The following ADAMTSL1 variants were observed in gnomAD, a reference collection of about 807,000 sequenced individuals.
ADAMTSL1 encodes ADAMTS-like protein 1.
Under a neutral mutation model 201.8 loss-of-function variants are expected in ADAMTSL1, and 126 were observed. The ratio of observed to expected loss-of-function variants is 0.62; its 90% CI spans 0.54 to 0.72. ADAMTSL1 has a LOEUF of 0.72. Ranked by LOEUF, ADAMTSL1 falls within the 30% of genes least tolerant of loss-of-function variation. The pLI is 0.00. For synonymous variants in ADAMTSL1, 1,121 were observed against 903.4 expected, an observed-to-expected ratio of 1.24 and a Z score of -4.32; for missense variants, 2,679 against 2,277.8, an observed-to-expected ratio of 1.18 and a Z score of -3.59.
At chr9:18,675,165 C>T (rs540046270) in intron 9 of ADAMTSL1, among the ~76,000 whole-genome samples, 1 of 152,160 alleles carries the variant, frequency 6.6e-6, no homozygotes, top group East Asian at 1.9e-4. Flanking sequence ...TAGCAGTTAA[C>T]ACTGTACAAT....
intron 2 of ADAMTSL1, among the ~76,000 whole-genome samples, chr9:18,234,789 T>C (rs1239887138): frequency 6.6e-6 from 1 of 152,232 alleles, no homozygotes; most frequent in African/African-American, 2.4e-5. Context: ...ACCAGATTTG[T>C]CCTCTGTCTC....
At chr9:18,646,005 T>A (rs942101810) in intron 7 of ADAMTSL1, among the ~76,000 whole-genome samples, 1 of 152,188 alleles carries the variant, frequency 6.6e-6, no homozygotes, top group Non-Finnish European at 1.5e-5. Context: ...ATGATACTGA[T>A]TCTTCCTATC....
intron 3 of ADAMTSL1, among the ~76,000 whole-genome samples, chr9:18,547,378 G>T (rs1478899403): frequency 6.6e-6 from 1 of 151,920 alleles, no homozygotes; most frequent in East Asian, 1.9e-4. Flanking sequence ...CAGTGGCATA[G>T]CCAGGTTCAA....
At chr9:18,645,911 T>C (rs1277785968) in intron 7 of ADAMTSL1, among the ~76,000 whole-genome samples, 1 of 146,734 alleles carries the variant, frequency 6.8e-6, no homozygotes, top group East Asian at 2.0e-4. Flanking sequence ...AGTAGTTTTT[T>C]CCAATTCTGT....
At chr9:18,305,070 G>A (rs1280480921) in intron 2 of ADAMTSL1, among the ~76,000 whole-genome samples, 9 of 152,100 alleles carry the variant, frequency 5.9e-5, no homozygotes. Context: ...GCTGAAGCAG[G>A]GTGGGGCATT....
intron 14 of ADAMTSL1, chr9:18,718,382 C>G (rs545786): frequency 1.3e-5 from 9 of 715,632 alleles, no homozygotes; most frequent in South Asian, 1.1e-4. Context: ...GCATACACTG[C>G]TGTGCATCTA....
At chr9:17,951,962 G>A (rs116093185) in intron 1 of ADAMTSL1, among the ~76,000 whole-genome samples, 8 of 151,702 alleles carry the variant, frequency 5.3e-5, no homozygotes, top group Non-Finnish European at 4.4e-5. Context: ...CATCTTGCCC[G>A]GCTAATTTTT....
chr9:18,713,559 T>C (rs1832736744), intron 14 of ADAMTSL1, among the ~76,000 whole-genome samples: 1 of 151,606 alleles, frequency 6.6e-6, no homozygotes, highest in Non-Finnish European at 1.5e-5. Flanking sequence ...CTATCCTAAA[T>C]ATATATGCAC....
intron 2 of ADAMTSL1, among the ~76,000 whole-genome samples, chr9:18,439,950 T>C (rs77640819): frequency 0.023 from 3,479 of 152,298 alleles, 108 homozygotes; most frequent in African/African-American, 0.068. Flanking sequence ...TATAGTACAC[T>C]ACTTCACACC....
At chr9:18,195,281 T>C (rs757842481) in intron 2 of ADAMTSL1, among the ~76,000 whole-genome samples, 50 of 152,146 alleles carry the variant, frequency 3.3e-4, no homozygotes, top group Non-Finnish European at 6.3e-4. Context: ...GACTATCCAA[T>C]TGCTCTAGTG....
At chr9:18,369,937 A>C (rs1419206709) in intron 2 of ADAMTSL1, among the ~76,000 whole-genome samples, 1 of 152,240 alleles carries the variant, frequency 6.6e-6, no homozygotes, top group African/African-American at 2.4e-5. Flanking sequence ...GTTCTCACTT[A>C]TAAGTGGGAG....
intron 24 of ADAMTSL1, among the ~76,000 whole-genome samples, chr9:18,889,165 A>ATATC (rs968237355): frequency 2.9e-4 from 44 of 152,354 alleles, no homozygotes; most frequent in African/African-American, 9.1e-4. Context: ...CTATATTTAT[A>ATATC]TATCTTTGTA....
intron 7 of ADAMTSL1, among the ~76,000 whole-genome samples, chr9:18,655,724 G>C (rs968920407): frequency 1.4e-5 from 2 of 141,738 alleles, no homozygotes; most frequent in African/African-American, 2.7e-5. Context: ...CATGAATCTT[G>C]TGTTTAAATG....
At chr9:18,339,215 A>G (rs914185691) in intron 2 of ADAMTSL1, among the ~76,000 whole-genome samples, 3 of 152,198 alleles carry the variant, frequency 2.0e-5, no homozygotes, top group Non-Finnish European at 2.9e-5. Flanking sequence ...GTATCCAACA[A>G]AGATCTAATA....
chr9:17,957,846 G>C (rs1827989170), intron 1 of ADAMTSL1, among the ~76,000 whole-genome samples: 1 of 152,098 alleles, frequency 6.6e-6, no homozygotes, highest in African/African-American at 2.4e-5. Context: ...GCTGCTGGGA[G>C]TCACCCAAAG....
At chr9:18,019,765 C>G (rs1012814646) in intron 1 of ADAMTSL1, among the ~76,000 whole-genome samples, 1 of 152,050 alleles carries the variant, frequency 6.6e-6, no homozygotes, top group South Asian at 2.1e-4. Flanking sequence ...TCTCAGAATT[C>G]TACTGGCAGG....
At chr9:18,165,236 T>TA (rs2132100279) in intron 2 of ADAMTSL1, among the ~76,000 whole-genome samples, 1 of 152,046 alleles carries the variant, frequency 6.6e-6, no homozygotes, top group African/African-American at 2.4e-5. Context: ...ATCTGAAATA[T>TA]TTTAGCTCAT....
At chr9:18,408,353 C>T (rs564974412) in intron 2 of ADAMTSL1, among the ~76,000 whole-genome samples, 3 of 152,234 alleles carry the variant, frequency 2.0e-5, no homozygotes, top group Admixed American at 1.3e-4. Flanking sequence ...CACCTGTAAT[C>T]CCAGCGACTT....
intron 1 of ADAMTSL1, among the ~76,000 whole-genome samples, chr9:17,953,966 G>A (rs747398226): frequency 9.2e-5 from 14 of 152,156 alleles, no homozygotes; most frequent in Non-Finnish European, 1.5e-4. Context: ...TGTTGGTTGG[G>A]TTCCTTAATT....
Sources: gnomAD v4.1 joint callset for allele counts (sites outside exome capture counted in the v4.1 genomes callset) on GRCh38, gnomAD v4.1.1 for gene constraint, MANE v1.5 for transcripts, NCBI Gene and HGNC (gene_info 2026-07-23, HGNC 2026-07-21) for gene names.